Variants in SLC15A4 observed in about 807,000 individuals in gnomAD.
The protein encoded by SLC15A4 is hPHT1.
Under a neutral mutation model 46.1 loss-of-function variants are expected in SLC15A4, and 26 were observed. The ratio of observed to expected loss-of-function variants is 0.56; its 90% confidence interval spans 0.41 to 0.78. The LOEUF is 0.78. Among genes scored for constraint, SLC15A4 ranks in the 30% least tolerant of loss-of-function variants. The pLI is 0.00. For missense variants in SLC15A4, 751 were observed against 755.7 expected, an observed-to-expected ratio of 0.99 and a Z score of 0.07; for synonymous variants, 370 against 333.4, an observed-to-expected ratio of 1.11 and a Z score of -1.20.
intron 1 of SLC15A4, among the ~76,000 whole-genome samples, chr12:128,817,036 T>A (rs748435089): frequency 1.2e-4 from 18 of 152,216 alleles, no homozygotes; most frequent in Non-Finnish European, 1.9e-4. Context: ...GTCCAAATGA[T>A]TAAGCATGGC....
At chr12:128,799,470 G>A (rs1955489340) in intron 6 of SLC15A4, 53 bp from the exon 7 acceptor site, 2 of 1,595,880 alleles carry the variant, frequency 1.3e-6, no homozygotes, top group Non-Finnish European at 1.7e-6. Context: ...TTTAACACAT[G>A]GGATCAAAGC....
chr12:128,809,860 T>A, intron 3 of SLC15A4, 83 bp downstream of exon 3: 1 of 1,398,504 alleles, frequency 7.2e-7, no homozygotes, highest in Non-Finnish European at 9.7e-7. Context: ...TAGTCCTACC[T>A]ACTTTAGAAA....
chr12:128,799,761 CA>C (rs1955492999), intron 6 of SLC15A4, among the ~76,000 whole-genome samples: 1 of 152,158 alleles, frequency 6.6e-6, no homozygotes, highest in African/African-American at 2.4e-5. Flanking sequence ...CCTATATTGT[CA>C]AGGAATGGGA....
chr12:128,808,924 A>G lies in SLC15A4; in HGVS notation c.1122T>C (p.Ala374=). Residue 374 remains alanine (A), a synonymous_variant, in exon 5 of 8, where the codon GCT becomes GCC. Coordinates refer to ENST00000266771, the MANE Select transcript of SLC15A4 (RefSeq NM_145648.4). ...GAGGGATGAGCAGGAGGATGAGCAC[A>G]GCATCAAACATGGTCAGCCAGGCTG... The part of the protein sequence containing the change: ...LPAAWLTMFD[A]VLILLLIPLK... 1 of 1,614,168 alleles carries G rather than the reference A, an allele frequency of 6.2e-7. No individual in the cohort carries two copies. Among genetic ancestry groups the G allele is most frequent in the Non-Finnish European group, 8.5e-7 (1 of 1,179,994 alleles).
At chr12:128,807,630 G>A (rs1390138999) in intron 5 of SLC15A4, among the ~76,000 whole-genome samples, 1 of 152,216 alleles carries the variant, frequency 6.6e-6, no homozygotes, top group Non-Finnish European at 1.5e-5. Context: ...CAGCCCTTCT[G>A]CAGGCGCACT....
chr12:128,796,630 AC>A (rs1955448088), intron 7 of SLC15A4, among the ~76,000 whole-genome samples: 1 of 152,104 alleles, frequency 6.6e-6, no homozygotes. Context: ...TATTCGTTCA[AC>A]CCTTACGACC....
At chr12:128,795,799 TCTC>T (rs1290796017) in intron 7 of SLC15A4, among the ~76,000 whole-genome samples, 1 of 152,208 alleles carries the variant, frequency 6.6e-6, no homozygotes, top group African/African-American at 2.4e-5. Context: ...CGCCCTGTGC[TCTC>T]CACCACGGCT....
chr12:128,811,883 T>C (rs995832369), intron 2 of SLC15A4, among the ~76,000 whole-genome samples: 8 of 152,202 alleles, frequency 5.3e-5, no homozygotes, highest in African/African-American at 1.9e-4. Flanking sequence ...GTTACACATA[T>C]TGTTAGGTGC....
Position 128,808,992 on chromosome 12 carries a change from G to A in SLC15A4, c.1090-36C>T, listed in dbSNP as rs764698777. ...ACACAGGAGGAGGCGTTTACTCCCC[G>A]CAATACAGGCCATCACCTGTCTAGA... On this transcript the variant is annotated intron_variant, in intron 4 of 7. Transcript: ENST00000266771. The A allele has an allele frequency of 1.8e-5, 29 of 1,587,608 alleles. No homozygotes were observed. In the East Asian group the frequency reaches 3.1e-4, roughly 17 times the overall value.
intron 2 of SLC15A4, among the ~76,000 whole-genome samples, chr12:128,812,753 C>A (rs375064007): frequency 6.6e-6 from 1 of 152,172 alleles, no homozygotes; most frequent in African/African-American, 2.4e-5. Flanking sequence ...TGAGATGAAT[C>A]CATCTCCGCT....
At chr12:128,794,406 T>C in intron 7 of SLC15A4, 50 bp from the exon 8 acceptor site, 1 of 1,545,548 alleles carries the variant, frequency 6.5e-7, no homozygotes, top group South Asian at 1.2e-5. Flanking sequence ...GCTACAGGTA[T>C]TTTTTCAAGA....
rs188258915 is a variant in SLC15A4 at position 128,806,967 on chromosome 12, G to A, written c.1258+1821C>T. Among the ~76,000 whole-genome samples, 16 of 146,628 alleles carry A rather than the reference G, an allele frequency of 1.1e-4. No individual in the cohort carries two copies. The East Asian group carries it at 2.1e-3, about 19-fold the overall frequency. On this transcript the variant is annotated intron_variant, in intron 5 of 7. Transcript: ENST00000266771. ...TCACCAGGCTGGAGTGCAGTGGCGC[G>A]ATCTCGGCTCACTGCAACCTCCACC...
rs200709258 is a variant in SLC15A4, at chr12:128,823,779, C to T, written c.165G>A (p.Thr55=). The T allele has an allele frequency of 3.8e-5, 58 of 1,520,474 alleles. No homozygotes were observed. The Admixed American group carries it at 5.7e-4, about 15-fold the overall frequency. The allele number at this position is 1,520,474 out of a possible 1,614,324, so 94.2% of individuals were successfully genotyped here. A position where few individuals can be genotyped will look rare whatever the true frequency, so the allele number is the denominator to read the frequency against. ...LLERAAFYGI[T]SNLVLFLNGA... is the part of the protein sequence containing the mutation. The stretch of plus-strand genomic sequence containing the variant: ...CGTTCAGGAATAGCACCAGGTTGGA[C>T]GTGATGCCGTAGAAAGCGGCGCGCT... The change falls in exon 1 of 8, where the codon ACG becomes ACA. Residue 55 remains threonine (T), a synonymous_variant. Coordinates refer to ENST00000266771, the MANE Select transcript of SLC15A4 (RefSeq NM_145648.4).
At chr12:128,805,713 G>GTA (rs1255576186) in intron 5 of SLC15A4, among the ~76,000 whole-genome samples, 2 of 152,032 alleles carry the variant, frequency 1.3e-5, no homozygotes, top group Non-Finnish European at 2.9e-5. Flanking sequence ...AGTATTTTTG[G>GTA]TAGAGATGGG....
rs1955634095 is a variant in SLC15A4 at position 128,809,822 on chromosome 12, C to G, written c.1011+121G>C. The G allele has an allele frequency of 8.0e-6, 8 of 1,005,514 alleles. No individual in the cohort carries two copies. The South Asian group carries it at 1.4e-4, about 18-fold the overall frequency. The allele number at this position is 1,005,514 out of a possible 1,614,324, so 62.3% of individuals were successfully genotyped here. ...AACTAAAACCAAAAATTCCAAGATT[C>G]TGTAGACTCATGGGAAAAAAAATCA... On this transcript the variant is annotated intron_variant, in intron 3 of 7. Transcript: ENST00000266771.
At chr12:128,821,647 G>C (rs1442741562) in intron 1 of SLC15A4, among the ~76,000 whole-genome samples, 1 of 152,142 alleles carries the variant, frequency 6.6e-6, no homozygotes, top group Non-Finnish European at 1.5e-5. Context: ...CAGCACTTTG[G>C]GAGGCCGAGG....
chr12:128,818,069 T>C (rs902003595), intron 1 of SLC15A4, among the ~76,000 whole-genome samples: 8 of 149,282 alleles, frequency 5.4e-5, no homozygotes, highest in African/African-American at 1.9e-4. Flanking sequence ...GGTGTCAGTT[T>C]TTCCTCTAGA....
At chr12:128,796,445 A>C (rs1283710438) in intron 7 of SLC15A4, among the ~76,000 whole-genome samples, 4 of 145,966 alleles carry the variant, frequency 2.7e-5, no homozygotes, top group Admixed American at 7.0e-5. Context: ...AAAAAAAAAA[A>C]AAAAAAAAAA....
intron 2 of SLC15A4, among the ~76,000 whole-genome samples, chr12:128,810,936 C>T (rs751741458): frequency 6.6e-6 from 1 of 152,190 alleles, no homozygotes; most frequent in Non-Finnish European, 1.5e-5. Context: ...AGGCCCTGAC[C>T]CCTGCAGGAC....
Sources: gnomAD v4.1 joint callset for allele counts (sites outside exome capture counted in the v4.1 genomes callset) on GRCh38, gnomAD v4.1.1 for gene constraint, MANE v1.5 for transcripts, NCBI Gene and HGNC (gene_info 2026-07-23, HGNC 2026-07-21) for gene names.